The following REELD1 variants were observed in gnomAD, a reference collection of about 807,000 sequenced individuals.
The protein encoded by REELD1 is reelin domain-containing protein 1.
In REELD1, 12 loss-of-function variants were observed where a neutral mutation model predicts 6.3. The ratio of observed to expected loss-of-function variants is 1.89; its 90% confidence interval spans 1.21 to 3.07. The LOEUF (loss-of-function observed/expected upper bound fraction) is 3.07. Ranked by LOEUF, REELD1 falls within the 30% of genes most tolerant of loss-of-function variation. The pLI is 0.00. For missense variants in REELD1, 163 were observed against 86.8 expected (o/e 1.88, Z -3.49); for synonymous variants, 57 against 33.6 (o/e 1.70, Z -2.42).
chr4:146,221,996 A>G (rs920247728), intron 3 of REELD1, among the ~76,000 whole-genome samples: 2 of 152,062 alleles, frequency 1.3e-5, no homozygotes, highest in African/African-American at 2.4e-5. Context: ...TTTTTTTGGA[A>G]AATAATTTTT....
chr4:146,229,102 C>T lies in REELD1; in HGVS notation c.972+14C>T. 1.4e-6 allele frequency: 1 copy of T among 701,090 alleles called. No individual in the cohort carries two copies. Among genetic ancestry groups the T allele is most frequent in the Non-Finnish European group, 2.6e-6 (1 of 384,250 alleles). The allele number at this position is 701,090 out of a possible 1,614,324, so 43.4% of individuals were successfully genotyped here. ...GGGGGTGAACAGGTAAGAACCTGAA[C>T]TGTGAAGTGGGCTTGTGACTGGTAT... is the stretch of plus-strand genomic sequence containing the variant. On this transcript the variant is annotated intron_variant, in intron 7 of 7. Transcript: ENST00000623665.
At position 146,222,522 on chromosome 4, in the gene REELD1, G is replaced by A; in HGVS notation, c.374G>A (p.Arg125Lys). 2.5e-6 allele frequency: 1 copy of A among 398,636 alleles called. No individual in the cohort carries two copies. Among genetic ancestry groups the A allele is most frequent in the Middle Eastern group, 6.3e-4 (1 of 1,588 alleles). The allele number at this position is 398,636 out of a possible 1,614,324, so 24.7% of individuals were successfully genotyped here. ...AVTHSDKSLK[R>K]NLSFVWKAPA... ...ACCCACTCTGACAAGTCCCTGAAGA[G>A]AAACCTGTCATTCGTGTGGAAGGCC... Residue 125 changes from arginine (R) to lysine (K), a missense_variant, in exon 4 of 8, where the codon AGA becomes AAA. Transcript: ENST00000623665.
At chr4:146,217,289 G>A in intron 3 of REELD1, 129 bp downstream of exon 3, 1 of 395,804 alleles carries the variant, frequency 2.5e-6, no homozygotes, top group Non-Finnish European at 4.4e-6. Flanking sequence ...TTTGTTTTTT[G>A]TAGAGATGGA....
chr4:146,228,554 G>C, intron 6 of REELD1, 32 bp downstream of exon 6: 1 of 686,544 alleles, frequency 1.5e-6, no homozygotes, highest in Non-Finnish European at 2.7e-6. Context: ...TTCAGGACAG[G>C]TGATGGGACT....
At chr4:146,220,181 C>T (rs1232805481) in intron 3 of REELD1, among the ~76,000 whole-genome samples, 3 of 152,190 alleles carry the variant, frequency 2.0e-5, no homozygotes, top group Admixed American at 1.3e-4. Flanking sequence ...ATCTTCTAAC[C>T]TCGTGATCCA....
At chr4:146,222,703 C>G (rs1730945508) in intron 4 of REELD1, 124 bp downstream of exon 4, 1 of 397,032 alleles carries the variant, frequency 2.5e-6, no homozygotes. Flanking sequence ...ATAGCAAGGA[C>G]AGGGTCATGG....
In REELD1 at chr4:146,219,934, TTTTG is replaced by T. The variant is rs545168046; in HGVS notation, c.209-2415_209-2412del. 3.2e-3 allele frequency among the ~76,000 whole-genome samples: 489 copies of T among 150,898 alleles called. 4 individuals carry two copies. The highest frequency in any genetic ancestry group is 0.011 in the African/African-American group (437 of 41,418). ...TTTTATTGGATACAGAATTTTGTTT[TTTTG>T]TTTGTTTTTTTGTTTGTTTTTTTAA... On this transcript the variant is annotated intron_variant, in intron 3 of 7. Transcript: ENST00000623665.
In REELD1 at chr4:146,215,828, G is replaced by A. The variant is rs1312703181; in HGVS notation, c.-12+630G>A. ...TGCAATGGCATGATCTCAGCTCACT[G>A]CAACCTTGGTCTCCCAGGTTCAAGC... On this transcript the variant is annotated intron_variant, in intron 2 of 7. Coordinates refer to ENST00000623665, the MANE Select transcript of REELD1 (RefSeq NM_001354631.1). 2.7e-5 allele frequency among the ~76,000 whole-genome samples: 4 copies of A among 149,130 alleles called. No individual in the cohort carries two copies. In the East Asian group the frequency reaches 7.9e-4, roughly 29 times the overall value.
intron 3 of REELD1, among the ~76,000 whole-genome samples, chr4:146,218,285 C>T (rs1730860918): frequency 6.6e-6 from 1 of 152,178 alleles, no homozygotes; most frequent in Non-Finnish European, 1.5e-5. Context: ...GCCCCCACTC[C>T]CCAAACTCAC....
chr4:146,228,271 TGGAGCTGCAGA>T lies in REELD1; in HGVS notation c.662_672del (p.Ala221GlyfsTer32). On this transcript the variant is annotated frameshift_variant, in exon 6 of 8. Transcript: ENST00000623665. LOFTEE classifies it high-confidence loss of function. The stretch of plus-strand genomic sequence containing the variant: ...CACATGTCTTTGCTGTTGCCCTTCC[TGGAGCTGCAGA>T]GGAGGACAACCTAGATCCTGTTCCT... The T allele has an allele frequency of 1.4e-6, 1 of 702,596 alleles. No individual in the cohort carries two copies. Among genetic ancestry groups the T allele is most frequent in the East Asian group, 2.7e-5 (1 of 37,292 alleles). 43.5% of individuals were successfully genotyped at this position (702,596 alleles called of 1,614,324 possible). A position where few individuals can be genotyped will look rare whatever the true frequency, so the allele number is the denominator to read the frequency against.
In REELD1 at chr4:146,228,252, T is replaced by C. The variant is rs1221371391; in HGVS notation, c.638T>C (p.Val213Ala). 1 of 702,428 alleles carries C rather than the reference T, an allele frequency of 1.4e-6. No individual in the cohort carries two copies. Among genetic ancestry groups the C allele is most frequent in the East Asian group, 2.7e-5 (1 of 37,300 alleles). 43.5% of individuals were successfully genotyped at this position (702,428 alleles called of 1,614,324 possible). A position where few individuals can be genotyped will look rare whatever the true frequency, so the allele number is the denominator to read the frequency against. Reference protein sequence around the residue: ...PITLPQQHTHVFAVALPGAAE... With the variant: ...PITLPQQHTHAFAVALPGAAE... ...ACTCTTCCACAGCAGCACACACATG[T>C]CTTTGCTGTTGCCCTTCCTGGAGCT... The change falls in exon 6 of 8, where the codon GTC becomes GCC. Residue 213 changes from valine (V) to alanine (A), a missense_variant. Coordinates refer to ENST00000623665, the MANE Select transcript of REELD1 (RefSeq NM_001354631.1).
In REELD1 at chr4:146,230,309, C is replaced by T. The variant is rs138364877; in HGVS notation, c.1377C>T (p.Ala459=). The change falls in exon 8 of 8, where the codon GCC becomes GCT. Residue 459 remains alanine (A), a synonymous_variant. Coordinates refer to ENST00000623665, the MANE Select transcript of REELD1 (RefSeq NM_001354631.1). ...CAGCCACCCTGGGCATGGCCCTGGCCGCTGGCCTTCGCTACCTGCACACCC... is the reference window on the plus strand; with the variant it reads ...CAGCCACCCTGGGCATGGCCCTGGCTGCTGGCCTTCGCTACCTGCACACCC... ...CLSATLGMAL[A]AGLRYLHTQY... 673 of 398,946 alleles carry T rather than the reference C, an allele frequency of 1.7e-3. 8 individuals are homozygous for T. The East Asian group carries it at 0.019, about 11-fold the overall frequency. The allele number at this position is 398,946 out of a possible 1,614,324, so 24.7% of individuals were successfully genotyped here.
At chr4:146,222,248 CACTTTCTGGG>C in intron 3 of REELD1, 99 bp from the exon 4 acceptor site, 1 of 397,510 alleles carries the variant, frequency 2.5e-6, no homozygotes, top group Non-Finnish European at 4.4e-6. Flanking sequence ...ATGAATTGTT[CACTTTCTGGG>C]GGCTGATCTT....
intron 4 of REELD1, 135 bp from the exon 5 acceptor site, chr4:146,224,310 C>G: frequency 4.5e-6 from 2 of 440,148 alleles, no homozygotes; most frequent in South Asian, 1.4e-4. Context: ...TAATCTCTCT[C>G]TCTCATTCTG....
chr4:146,218,176 T>C (rs1316847535), intron 3 of REELD1, among the ~76,000 whole-genome samples: 1 of 152,204 alleles, frequency 6.6e-6, no homozygotes, highest in African/African-American at 2.4e-5. Flanking sequence ...TGAGAAGCCA[T>C]GTGAAACACC....
intron 5 of REELD1, among the ~76,000 whole-genome samples, chr4:146,226,539 G>A (rs1482577022): frequency 2.6e-5 from 4 of 152,098 alleles, no homozygotes; most frequent in African/African-American, 4.8e-5. Context: ...ACAATGGTGC[G>A]TTCTTGCTGT....
At chr4:146,226,019 G>C (rs949025150) in intron 5 of REELD1, among the ~76,000 whole-genome samples, 103 of 152,254 alleles carry the variant, frequency 6.8e-4, no homozygotes, top group African/African-American at 2.2e-3. Flanking sequence ...GTGTGTGTAT[G>C]TATTCTGGGA....
In REELD1 at chr4:146,224,475, C is replaced by A; in HGVS notation, c.462C>A (p.Tyr154Ter). Residue 154 changes from tyrosine to a stop codon, truncating the protein, a stop_gained, in exon 5 of 8, where the codon TAC becomes TAA. Coordinates refer to ENST00000623665, the MANE Select transcript of REELD1 (RefSeq NM_001354631.1). LOFTEE classifies it high-confidence loss of function. ...LLSVVQSYFV[Y>*]WARIESSVVS... ...CAGTAGTCCAGTCATATTTTGTTTA[C>A]TGGGCAAGGATTGAATCATCTGTTG... is the stretch of plus-strand genomic sequence containing the variant. The A allele has an allele frequency of 1.5e-6, 1 of 668,676 alleles. No individual in the cohort carries two copies. The highest frequency in any genetic ancestry group is 2.7e-6 in the Non-Finnish European group (1 of 364,362). The allele number at this position is 668,676 out of a possible 1,614,324, so 41.4% of individuals were successfully genotyped here.
At chr4:146,221,685 C>G (rs1259998869) in intron 3 of REELD1, among the ~76,000 whole-genome samples, 1 of 152,032 alleles carries the variant, frequency 6.6e-6, no homozygotes, top group Non-Finnish European at 1.5e-5. Context: ...ATGATGAAAC[C>G]CTGTCTCTAC....
Sources: allele counts gnomAD v4.1 joint callset (sites outside exome capture counted in the v4.1 genomes callset), GRCh38; gene constraint gnomAD v4.1.1; transcripts MANE v1.5; gene names NCBI Gene and HGNC (gene_info 2026-07-23, HGNC 2026-07-21).